The following ATP6V1B2 variants were observed in gnomAD, a reference collection of about 807,000 sequenced individuals.
ATP6V1B2 encodes V-type proton ATPase subunit B, brain isoform.
Under a neutral mutation model 66.7 loss-of-function variants are expected in ATP6V1B2, and 23 were observed. The observed-to-expected ratio is 0.34, with a 90% confidence interval of 0.25 to 0.49. ATP6V1B2 has a LOEUF of 0.49. Among genes scored for constraint, ATP6V1B2 ranks in the 20% least tolerant of loss-of-function variants. The pLI, the probability that ATP6V1B2 is intolerant of heterozygous loss-of-function variation, is 0.99. For synonymous variants in ATP6V1B2, 278 were observed against 236.7 expected (o/e 1.17, Z -1.60); for missense variants, 478 against 650.8 (o/e 0.73, Z 2.89).
chr8:20,199,799 C>T (rs1433989441), intron 1 of ATP6V1B2, among the ~76,000 whole-genome samples: 1 of 151,884 alleles, frequency 6.6e-6, no homozygotes, highest in Non-Finnish European at 1.5e-5. Context: ...TTAGTAGAGA[C>T]GGGATTTCAC....
intron 6 of ATP6V1B2, 43 bp from the exon 7 acceptor site, chr8:20,211,609 G>T (rs1431872800): frequency 1.9e-6 from 3 of 1,548,164 alleles, no homozygotes. Context: ...TTGTAGAAAT[G>T]TTATTTTAGA....
chr8:20,218,003 G>C (rs1168159350), intron 12 of ATP6V1B2, 150 bp from the exon 13 acceptor site: 1 of 1,021,540 alleles, frequency 9.8e-7, no homozygotes, highest in African/African-American at 1.6e-5. Flanking sequence ...AGTCCTTCTG[G>C]TACTTTCATA....
chr8:20,216,639 C>T (rs888900664), intron 11 of ATP6V1B2, 144 bp downstream of exon 11: 1 of 680,160 alleles, frequency 1.5e-6, no homozygotes, highest in South Asian at 2.5e-5. Context: ...ATTGTCATTT[C>T]TATTATCTTA....
intron 2 of ATP6V1B2, 96 bp downstream of exon 2, chr8:20,204,635 C>T: frequency 9.1e-7 from 1 of 1,099,136 alleles, no homozygotes; most frequent in Non-Finnish European, 1.3e-6. Flanking sequence ...GATTTTTAAG[C>T]CATACTTTAG....
intron 1 of ATP6V1B2, among the ~76,000 whole-genome samples, chr8:20,200,453 T>C (rs2072674702): frequency 6.6e-6 from 1 of 152,218 alleles, no homozygotes; most frequent in Non-Finnish European, 1.5e-5. Context: ...GTTTTTTGAA[T>C]GAAGAAATGG....
intron 10 of ATP6V1B2, chr8:20,215,860 G>A (rs1007201668): frequency 2.0e-5 from 3 of 152,336 alleles, no homozygotes; most frequent in Non-Finnish European, 2.9e-5. Flanking sequence ...TTGTCTATAT[G>A]CCTGCGTTTT....
chr8:20,215,014 A>G, intron 10 of ATP6V1B2, 46 bp downstream of exon 10: 1 of 1,585,378 alleles, frequency 6.3e-7, no homozygotes, highest in South Asian at 1.1e-5. Context: ...CATTTTAAAG[A>G]GAGAGAAGAC....
intron 13 of ATP6V1B2, 112 bp downstream of exon 13, chr8:20,218,394 A>G: frequency 7.2e-7 from 1 of 1,387,642 alleles, no homozygotes; most frequent in Non-Finnish European, 9.6e-7. Flanking sequence ...TTCTCTGGTT[A>G]GAGAAGAGGC....
intron 2 of ATP6V1B2, among the ~76,000 whole-genome samples, chr8:20,204,741 TATC>T (rs1483915067): frequency 6.6e-6 from 1 of 152,144 alleles, no homozygotes; most frequent in East Asian, 1.9e-4. Context: ...TTGACCAAAA[TATC>T]ATCCAAGAAA....
chr8:20,200,295 G>C (rs1328678119), intron 1 of ATP6V1B2, among the ~76,000 whole-genome samples: 1 of 152,108 alleles, frequency 6.6e-6, no homozygotes, highest in East Asian at 1.9e-4. Flanking sequence ...TGGGATTACA[G>C]GTGTGAGCTG....
rs2072808982 is a variant in ATP6V1B2 at position 20,212,804 on chromosome 8, C to T, written c.826C>T (p.Arg276Cys). The T allele has an allele frequency of 6.2e-7, 1 of 1,613,690 alleles. No individual in the cohort carries two copies. Among genetic ancestry groups the T allele is most frequent in the Non-Finnish European group, 8.5e-7 (1 of 1,179,724 alleles). Residue 276 changes from arginine (R) to cysteine (C), a missense_variant, in exon 9 of 14, where the codon CGC becomes TGC. Physicochemically the swap from Arg to Cys is radical, Grantham distance 180. This residue lies in a region of ATP6V1B2 where 326 missense variants were observed against 545.6 expected (regional missense o/e 0.60). Transcript: ENST00000276390. ...DPTIERIITP[R>C]LALTTAEFLA... is the part of the protein sequence containing the mutation. Reference sequence around the variant, plus strand: ...CAGCATTGAGCGAATTATCACTCCTCGCCTGGCTCTAACCACAGCTGAATT... The same window carrying T: ...CAGCATTGAGCGAATTATCACTCCTTGCCTGGCTCTAACCACAGCTGAATT...
chr8:20,216,307 A>G, intron 10 of ATP6V1B2, 106 bp from the exon 11 acceptor site: 1 of 824,860 alleles, frequency 1.2e-6, no homozygotes, highest in Non-Finnish European at 2.0e-6. Context: ...GTAATGTTAC[A>G]GGTAGTACAG....
At chr8:20,203,944 C>T (rs536349886) in intron 1 of ATP6V1B2, 4 of 454,248 alleles carry the variant, frequency 8.8e-6, no homozygotes, top group South Asian at 3.1e-5. Context: ...TTAATTGTGG[C>T]TTTTTACCTT....
At chr8:20,217,754 A>G (rs1196049892) in intron 12 of ATP6V1B2, among the ~76,000 whole-genome samples, 1 of 152,186 alleles carries the variant, frequency 6.6e-6, no homozygotes, top group African/African-American at 2.4e-5. Context: ...TTGTACACTA[A>G]CACAAATAAA....
chr8:20,199,983 A>G (rs1246231129), intron 1 of ATP6V1B2, among the ~76,000 whole-genome samples: 2 of 122,694 alleles, frequency 1.6e-5, no homozygotes, highest in African/African-American at 6.6e-5. Context: ...GGGGACATGT[A>G]ATTATAGTTA....
intron 1 of ATP6V1B2, among the ~76,000 whole-genome samples, chr8:20,198,596 C>A (rs1453773952): frequency 1.3e-5 from 2 of 152,138 alleles, no homozygotes; most frequent in African/African-American, 4.8e-5. Context: ...CATGATGTTT[C>A]CCCAGGTGGT....
chr8:20,213,800 C>T (rs2072820766), intron 9 of ATP6V1B2: 1 of 152,132 alleles, frequency 6.6e-6, no homozygotes, highest in Non-Finnish European at 1.5e-5. Context: ...GTGCCCTCAC[C>T]ATATCTTACT....
At chr8:20,203,386 G>A (rs2072706294) in intron 1 of ATP6V1B2, among the ~76,000 whole-genome samples, 1 of 152,194 alleles carries the variant, frequency 6.6e-6, no homozygotes, top group South Asian at 2.1e-4. Context: ...TGAAGGAATT[G>A]TAATTTTAAA....
chr8:20,220,234 A>G (rs1268344798), intron 13 of ATP6V1B2, 29 bp from the exon 14 acceptor site: 5 of 1,600,494 alleles, frequency 3.1e-6, no homozygotes, highest in Non-Finnish European at 4.3e-6. Flanking sequence ...AGTCATTTGC[A>G]TTTATTAATT....
Sources: allele counts gnomAD v4.1 joint callset (sites outside exome capture counted in the v4.1 genomes callset), GRCh38; gene constraint gnomAD v4.1.1; regional missense constraint gnomAD v4.1.1; transcripts MANE v1.5; gene names NCBI Gene and HGNC (gene_info 2026-07-23, HGNC 2026-07-21).